The following DDAH1 variants were observed in gnomAD, a reference collection of about 807,000 sequenced individuals.
DDAH1 encodes the protein dimethylarginine dimethylaminohydrolase 1, also known as N(G),N(G)-dimethylarginine dimethylaminohydrolase 1.
Under a neutral mutation model 28.8 loss-of-function variants are expected in DDAH1, and 19 were observed. The observed-to-expected ratio is 0.66, with a 90% CI of 0.46 to 0.97. The LOEUF is 0.97. DDAH1 is among the 50% of genes least tolerant of loss of function. The pLI is 0.00. For missense variants in DDAH1, 326 were observed against 375.9 expected, an observed-to-expected ratio of 0.87 and a Z score of 1.10; for synonymous variants, 153 against 154.4, an observed-to-expected ratio of 0.99 and a Z score of 0.07.
At chr1:85,517,027 T>C (rs1657500175) in intron 1 of DDAH1, among the ~76,000 whole-genome samples, 1 of 151,336 alleles carries the variant, frequency 6.6e-6, no homozygotes, top group Admixed American at 6.6e-5. Context: ...GAGCAGGTTG[T>C]CTAATTTCTT....
At chr1:85,574,425 G>A (rs1339751764) in intron 1 of DDAH1, among the ~76,000 whole-genome samples, 1 of 152,236 alleles carries the variant, frequency 6.6e-6, no homozygotes, top group African/African-American at 2.4e-5. Flanking sequence ...TTTTCAGAAG[G>A]AATCCTATGG....
In DDAH1 at chr1:85,332,546, C is replaced by T. The variant is rs1299826785; in HGVS notation, c.598-7663G>A. The stretch of plus-strand genomic sequence containing the variant: ...GGAAATTGCTCTGCCTTGTTCACCA[C>T]AGCCTGGGCCCATGGGCCCCATGGG... On this transcript the variant is annotated intron_variant, in intron 4 of 5. Coordinates refer to ENST00000284031, the MANE Select transcript of DDAH1 (RefSeq NM_012137.4). 2.0e-5 allele frequency among the ~76,000 whole-genome samples: 3 copies of T among 152,204 alleles called. No homozygotes were observed. In the South Asian group the frequency reaches 6.2e-4, roughly 31 times the overall value.
At position 85,472,897 on chromosome 1, in the gene DDAH1, GTT is replaced by G. The variant is rs1216770070; in HGVS notation, c.-7+23267_-7+23268del. Among the ~76,000 whole-genome samples the G allele has an allele frequency of 3.9e-5, 6 of 152,034 alleles. No individual in the cohort carries two copies. In the East Asian group the frequency reaches 9.6e-4, roughly 24 times the overall value. On this transcript the variant is annotated intron_variant, in intron 2 of 6. Transcript: ENST00000426972. ...CTCCTGTCTCTTTTTGGAGTCCGCA[GTT>G]TCTGTTGTTTTCGTCTTTATGTCCA...
rs540023529 is a variant in DDAH1, at chr1:85,386,004, C to T, written c.304-27157G>A. The stretch of plus-strand genomic sequence containing the variant: ...TGCAGGAACTAATAGAGTGAGAACT[C>T]ACCCATTACCAGGAGGATGGCACCA... On this transcript the variant is annotated intron_variant, in intron 1 of 5. Coordinates refer to ENST00000284031, the MANE Select transcript of DDAH1 (RefSeq NM_012137.4). 7.2e-5 allele frequency among the ~76,000 whole-genome samples: 11 copies of T among 152,250 alleles called. No individual in the cohort carries two copies. The East Asian group carries it at 2.1e-3, about 29-fold the overall frequency.
Position 85,350,423 on chromosome 1 carries a change from C to A in DDAH1, c.589G>T (p.Ala197Ser). The change falls in exon 4 of 6, where the codon GCC (alanine) becomes TCC (serine). Residue 197 changes from alanine to serine, a missense_variant. Physicochemically the swap from Ala to Ser is moderately conservative, Grantham distance 99. Coordinates refer to ENST00000284031, the MANE Select transcript of DDAH1 (RefSeq NM_012137.4). ...AIGSSESAQK[A>S]LKIMQQMSDH... ...CACAGTTTTGTATTTACCTTAAGGG[C>A]CTTCTGTGCAGATTCACTAGACCCA... The A allele has an allele frequency of 1.2e-6, 2 of 1,613,324 alleles. No individual in the cohort carries two copies. The highest frequency in any genetic ancestry group is 1.7e-6 in the Non-Finnish European group (2 of 1,179,790).
intron 1 of DDAH1, among the ~76,000 whole-genome samples, chr1:85,374,923 T>G (rs1650578878): frequency 6.6e-6 from 1 of 152,186 alleles, no homozygotes; most frequent in Non-Finnish European, 1.5e-5. Flanking sequence ...TATTGAATTT[T>G]AGAGTACTTC....
chr1:85,369,007 G>C (rs913941024), intron 1 of DDAH1, among the ~76,000 whole-genome samples: 4 of 151,534 alleles, frequency 2.6e-5, no homozygotes, highest in Admixed American at 2.6e-4. Flanking sequence ...GTAGGTCCTG[G>C]CTGGGTCAGA....
intron 4 of DDAH1, among the ~76,000 whole-genome samples, chr1:85,327,654 A>G (rs2100793975): frequency 6.6e-6 from 1 of 152,308 alleles, no homozygotes; most frequent in South Asian, 2.1e-4. Context: ...TTGCTCAGCC[A>G]CACACTAATT....
At chr1:85,411,090 G>C (rs977371199) in intron 1 of DDAH1, among the ~76,000 whole-genome samples, 2 of 152,298 alleles carry the variant, frequency 1.3e-5, no homozygotes, top group South Asian at 4.1e-4. Context: ...TGAGTGTCTT[G>C]GCGGGGATCC....
Position 85,464,841 on chromosome 1 carries a change from C to A in DDAH1, c.205G>T (p.Glu69Ter), listed in dbSNP as rs1655285364. The change falls in exon 1 of 6, where the codon GAG becomes TAG. Residue 69 changes from glutamate (E) to a stop codon, truncating the protein, a stop_gained. Coordinates refer to ENST00000284031, the MANE Select transcript of DDAH1 (RefSeq NM_012137.4). LOFTEE classifies it high-confidence loss of function. The surrounding 1 kb of genome is among the most constrained non-coding windows in gnomAD (Gnocchi z 4.4). ...GLQVVELPAD[E>*]SLPDCVFVED... ...ACGAAGACGCAGTCCGGAAGGCTCT[C>A]GTCGGCCGGCAGCTCCACCACCTGC... The A allele has an allele frequency of 9.4e-6, 15 of 1,587,816 alleles. No individual in the cohort carries two copies. Among genetic ancestry groups the A allele is most frequent in the Non-Finnish European group, 1.3e-5 (15 of 1,174,814 alleles).
chr1:85,359,025 A>G (rs769604181), intron 1 of DDAH1, among the ~76,000 whole-genome samples, 178 bp from the exon 2 acceptor site: 1 of 152,224 alleles, frequency 6.6e-6, no homozygotes, highest in Non-Finnish European at 1.5e-5. Flanking sequence ...CATTTGTAAG[A>G]GAAGAAATGA....
At chr1:85,565,954 G>A (rs759506350) in intron 1 of DDAH1, among the ~76,000 whole-genome samples, 87 of 151,706 alleles carry the variant, frequency 5.7e-4, no homozygotes, top group African/African-American at 1.4e-3. Flanking sequence ...GGTGGCACGC[G>A]CCTGTTATCC....
intron 1 of DDAH1, among the ~76,000 whole-genome samples, chr1:85,423,928 C>T (rs556911586): frequency 6.2e-4 from 95 of 152,188 alleles, no homozygotes; most frequent in East Asian, 3.7e-3. Context: ...TTATCATGAA[C>T]GGGTGTTAGA....
intron 1 of DDAH1, among the ~76,000 whole-genome samples, chr1:85,454,313 A>C (rs575017466): frequency 6.6e-6 from 1 of 152,212 alleles, no homozygotes; most frequent in South Asian, 2.1e-4. Flanking sequence ...CTACCAGGCC[A>C]CATAGAACTA....
At chr1:85,391,836 T>C (rs1169233425) in intron 1 of DDAH1, among the ~76,000 whole-genome samples, 1 of 152,170 alleles carries the variant, frequency 6.6e-6, no homozygotes, top group Non-Finnish European at 1.5e-5. Context: ...GAAAAGAGAC[T>C]GCCCCAAATA....
chr1:85,438,829 T>C (rs1261703324), intron 1 of DDAH1, among the ~76,000 whole-genome samples: 2 of 152,338 alleles, frequency 1.3e-5, no homozygotes, highest in East Asian at 3.9e-4. Flanking sequence ...CTAGATACTT[T>C]TGTTGAGCAG....
At chr1:85,323,808 A>G (rs1394626515) in intron 5 of DDAH1, among the ~76,000 whole-genome samples, 1 of 151,854 alleles carries the variant, frequency 6.6e-6, no homozygotes, top group Non-Finnish European at 1.5e-5. Context: ...CCGTCTCTAC[A>G]AAAAATAAAA....
intron 1 of DDAH1, among the ~76,000 whole-genome samples, chr1:85,575,391 G>C (rs1303042796): frequency 1.3e-5 from 2 of 152,190 alleles, no homozygotes; most frequent in Non-Finnish European, 2.9e-5. Flanking sequence ...TCCAGAAGTA[G>C]GGATTGCCTG....
At chr1:85,550,836 T>A (rs978432463) in intron 1 of DDAH1, among the ~76,000 whole-genome samples, 2 of 152,188 alleles carry the variant, frequency 1.3e-5, no homozygotes, top group African/African-American at 4.8e-5. Context: ...GTGTCATCTA[T>A]CTGCTCTAGC....
Sources: gnomAD v4.1 joint callset for allele counts (sites outside exome capture counted in the v4.1 genomes callset) on GRCh38, gnomAD v4.1.1 for gene constraint, Gnocchi (gnomAD v3.1) non-coding constraint, MANE v1.5 for transcripts, NCBI Gene and HGNC (gene_info 2026-07-23, HGNC 2026-07-21) for gene names.